The following TBC1D32 variants were observed in gnomAD, a reference collection of about 807,000 sequenced individuals.
TBC1D32 encodes the protein TBC1 domain family member 32, also known as protein broad-minded.
A neutral mutation model predicts 170.3 loss-of-function variants in TBC1D32; 151 were observed. That is an observed-to-expected ratio of 0.89 (90% CI 0.78 to 1.01). TBC1D32 has a LOEUF of 1.01. Ranked by LOEUF, TBC1D32 falls within the 50% of genes least tolerant of loss-of-function variation. TBC1D32 has a pLI of 0.00. For missense variants in TBC1D32, 1,464 were observed against 1,457.1 expected (o/e 1.00, Z -0.08); for synonymous variants, 498 against 488.0 (o/e 1.02, Z -0.27).
At chr6:121,270,483 C>T (rs936214290) in intron 15 of TBC1D32, among the ~76,000 whole-genome samples, 4 of 152,088 alleles carry the variant, frequency 2.6e-5, no homozygotes, top group African/African-American at 7.3e-5. Flanking sequence ...CTATAAACAC[C>T]TCTACGCAAA....
chr6:121,082,752 T>C (rs1043994000), intron 31 of TBC1D32, among the ~76,000 whole-genome samples: 12 of 152,004 alleles, frequency 7.9e-5, no homozygotes, highest in African/African-American at 1.9e-4. Flanking sequence ...AATTTAAATA[T>C]ATTTTTTCCT....
At chr6:121,161,171 T>A in intron 22 of TBC1D32, 115 bp from the exon 23 acceptor site, 1 of 776,710 alleles carries the variant, frequency 1.3e-6, no homozygotes, top group Non-Finnish European at 2.0e-6. Context: ...AATCTATTTC[T>A]TTTTCTTTAC....
chr6:121,323,004 G>GAA (rs72159293), intron 1 of TBC1D32, among the ~76,000 whole-genome samples: 4 of 150,830 alleles, frequency 2.7e-5, no homozygotes, highest in African/African-American at 9.7e-5. Flanking sequence ...ATGAAAAGAA[G>GAA]AAAAAAAAAG....
intron 19 of TBC1D32, 31 bp from the exon 20 acceptor site, chr6:121,239,219 T>G (rs879623058): frequency 4.6e-6 from 6 of 1,291,284 alleles, no homozygotes; most frequent in Non-Finnish European, 6.7e-6. Flanking sequence ...AAGTCATTTA[T>G]AGCATAATAT....
intron 24 of TBC1D32, among the ~76,000 whole-genome samples, chr6:121,158,559 T>C (rs918034454): frequency 2.0e-5 from 3 of 152,080 alleles, no homozygotes; most frequent in Non-Finnish European, 2.9e-5. Flanking sequence ...GTGCATTTGG[T>C]TGGAGGTAAG....
At chr6:121,215,952 C>A (rs1256890336) in intron 21 of TBC1D32, among the ~76,000 whole-genome samples, 3 of 152,194 alleles carry the variant, frequency 2.0e-5, no homozygotes, top group African/African-American at 7.2e-5. Context: ...GCAATTGTCC[C>A]CAAACAGCGA....
intron 15 of TBC1D32, among the ~76,000 whole-genome samples, chr6:121,274,767 C>G (rs142748074): frequency 6.6e-6 from 1 of 151,894 alleles, no homozygotes; most frequent in Non-Finnish European, 1.5e-5. Flanking sequence ...TACATTTCAG[C>G]GTAAAAGTTA....
chr6:121,253,963 A>G (rs78155183), intron 17 of TBC1D32, among the ~76,000 whole-genome samples: 2,877 of 152,270 alleles, frequency 0.019, 34 homozygotes, highest in South Asian at 0.041. Flanking sequence ...ACAATTCACA[A>G]TTGCAAAGAT....
At chr6:121,295,185 T>C (rs1381364025) in intron 10 of TBC1D32, among the ~76,000 whole-genome samples, 1 of 150,950 alleles carries the variant, frequency 6.6e-6, no homozygotes, top group African/African-American at 2.4e-5. Context: ...CTCCTATTAG[T>C]CTCCATTCTA....
chr6:121,210,072 AT>A (rs1792853262), intron 21 of TBC1D32, among the ~76,000 whole-genome samples: 1 of 152,222 alleles, frequency 6.6e-6, no homozygotes, highest in Non-Finnish European at 1.5e-5. Flanking sequence ...TTCACCTTTA[AT>A]TTAATAAAGT....
intron 22 of TBC1D32, among the ~76,000 whole-genome samples, chr6:121,191,008 T>C (rs1789932717): frequency 6.6e-6 from 1 of 150,980 alleles, no homozygotes; most frequent in Admixed American, 6.7e-5. Flanking sequence ...AAATTATACT[T>C]TTACAAACTC....
At chr6:121,082,192 AG>A (rs1199989023) in intron 31 of TBC1D32, among the ~76,000 whole-genome samples, 1 of 152,040 alleles carries the variant, frequency 6.6e-6, no homozygotes, top group East Asian at 1.9e-4. Context: ...TTGACAACTG[AG>A]GTGTATATCA....
rs1780841175 is a variant in TBC1D32, at chr6:121,126,308, T to C, written c.2983+70A>G. 3 of 1,172,112 alleles carry C rather than the reference T, an allele frequency of 2.6e-6. No homozygotes were observed. The South Asian group carries it at 4.2e-5, about 16-fold the overall frequency. The allele number at this position is 1,172,112 out of a possible 1,614,324, so 72.6% of individuals were successfully genotyped here. A position where few individuals can be genotyped will look rare whatever the true frequency, so the allele number is the denominator to read the frequency against. ...AGAAAACTGCCTATCTGTAATATCA[T>C]TACACATCTCCATTAATTATCTAGT... On this transcript the variant is annotated intron_variant, in intron 26 of 31. Transcript: ENST00000398212.
intron 24 of TBC1D32, among the ~76,000 whole-genome samples, chr6:121,138,085 A>T (rs1026635353): frequency 7.2e-5 from 11 of 152,068 alleles, no homozygotes; most frequent in Non-Finnish European, 1.6e-4. Context: ...TCTTACCATA[A>T]TAAGCAAGGA....
intron 22 of TBC1D32, among the ~76,000 whole-genome samples, chr6:121,174,511 A>G (rs1389938066): frequency 1.3e-5 from 2 of 152,218 alleles, no homozygotes; most frequent in African/African-American, 4.8e-5. Context: ...CGACCAAGTT[A>G]CTACAAGAGT....
chr6:121,290,842 C>CT (rs1804727799), intron 12 of TBC1D32, among the ~76,000 whole-genome samples: 1 of 152,092 alleles, frequency 6.6e-6, no homozygotes, highest in South Asian at 2.1e-4. Flanking sequence ...GAGTTCATGT[C>CT]TTTTGTAGGG....
intron 1 of TBC1D32, among the ~76,000 whole-genome samples, chr6:121,328,786 GT>G (rs1554331959): frequency 1.3e-5 from 2 of 152,052 alleles, no homozygotes; most frequent in Non-Finnish European, 1.5e-5. Flanking sequence ...ATATTAAAAT[GT>G]TTTTTACATA....
intron 22 of TBC1D32, among the ~76,000 whole-genome samples, chr6:121,185,865 A>T (rs1789143221): frequency 6.6e-6 from 1 of 152,050 alleles, no homozygotes; most frequent in Non-Finnish European, 1.5e-5. Context: ...GAAGCAGATG[A>T]TCATAGATAT....
chr6:121,144,942 T>C (rs1326184059), intron 24 of TBC1D32, among the ~76,000 whole-genome samples: 1 of 152,074 alleles, frequency 6.6e-6, no homozygotes, highest in African/African-American at 2.4e-5. Flanking sequence ...AATGAAGAAA[T>C]TGTTTCAAAA....
Sources: allele counts gnomAD v4.1 joint callset (sites outside exome capture counted in the v4.1 genomes callset), GRCh38; gene constraint gnomAD v4.1.1; transcripts MANE v1.5; gene names NCBI Gene and HGNC (gene_info 2026-07-23, HGNC 2026-07-21).